Variants in LCE1A observed in about 807,000 individuals in gnomAD.
LCE1A encodes late cornified envelope 1A, also known as late cornified envelope protein 1A.
For synonymous variants in LCE1A, 59 were observed against 53.8 expected, an observed-to-expected ratio of 1.10 and a Z score of -0.43; for missense variants, 138 against 140.0, an observed-to-expected ratio of 0.99 and a Z score of 0.07.
Position 152,828,010 on chromosome 1 carries a change from G to A in LCE1A, c.*205G>A. The stretch of plus-strand genomic sequence containing the variant: ...CTATCTGCTGCCCCTGACACCAACT[G>A]TGTTGTCTACTCTGGGATCCCAAGC... On this transcript the variant is annotated 3_prime_UTR_variant, in exon 1 of 1. Transcript: ENST00000335123. 1.6e-6 allele frequency: 1 copy of A among 614,422 alleles called. No homozygotes were observed. The highest frequency in any genetic ancestry group is 2.8e-6 in the Non-Finnish European group (1 of 352,582). The allele number at this position is 614,422 out of a possible 1,614,324, so 38.1% of individuals were successfully genotyped here. A position where few individuals can be genotyped will look rare whatever the true frequency, so the allele number is the denominator to read the frequency against.
rs146232631 is a variant in LCE1A at position 152,827,692 on chromosome 1, C to T, written c.220C>T (p.Arg74Cys). 245 of 1,612,870 alleles carry T rather than the reference C, an allele frequency of 1.5e-4. 3 individuals carry two copies. Among genetic ancestry groups the T allele is most frequent in the South Asian group, 1.4e-3 (124 of 90,994 alleles). ...GGGCCLSHHR[R>C]HRSHRHRLQS... ...TGGCTGCTGCCTGAGCCACCACAGG[C>T]GCCACAGGTCCCACCGTCACAGACT... The change falls in exon 1 of 1, where the codon CGC becomes TGC. Residue 74 changes from arginine (R) to cysteine (C), a missense_variant. Coordinates refer to ENST00000335123, the MANE Select transcript of LCE1A (RefSeq NM_178348.2).
chr1:152,827,924 G>A lies in LCE1A; in HGVS notation c.*119G>A. On this transcript the variant is annotated 3_prime_UTR_variant, in exon 1 of 1. Transcript: ENST00000335123. The stretch of plus-strand genomic sequence containing the variant: ...TGAGATGCCCGCGTGAAGGCTCTGA[G>A]CTCTGGCCTAGAGGATCCCTCTGCC... The A allele has an allele frequency of 8.4e-7, 1 of 1,191,050 alleles. No individual in the cohort carries two copies. The highest frequency in any genetic ancestry group is 1.2e-6 in the Non-Finnish European group (1 of 862,670). The allele number at this position is 1,191,050 out of a possible 1,614,324, so 73.8% of individuals were successfully genotyped here.
rs1169924690 is a variant in LCE1A, at chr1:152,828,001, A to G, written c.*196A>G. 2 of 640,982 alleles carry G rather than the reference A, an allele frequency of 3.1e-6. No homozygotes were observed. Among genetic ancestry groups the G allele is most frequent in the Non-Finnish European group, 5.4e-6 (2 of 372,484 alleles). The allele number at this position is 640,982 out of a possible 1,614,324, so 39.7% of individuals were successfully genotyped here. A position where few individuals can be genotyped will look rare whatever the true frequency, so the allele number is the denominator to read the frequency against. Reference sequence around the variant, plus strand: ...CCCACAAACCTATCTGCTGCCCCTGACACCAACTGTGTTGTCTACTCTGGG... The same window carrying G: ...CCCACAAACCTATCTGCTGCCCCTGGCACCAACTGTGTTGTCTACTCTGGG... On this transcript the variant is annotated 3_prime_UTR_variant, in exon 1 of 1. Transcript: ENST00000335123.
Position 152,827,813 on chromosome 1 carries a change from T to G in LCE1A, c.*8T>G, listed in dbSNP as rs1024844618. The G allele has an allele frequency of 3.8e-6, 6 of 1,579,600 alleles. No homozygotes were observed. The highest frequency in any genetic ancestry group is 5.2e-6 in the Non-Finnish European group (6 of 1,163,510). On this transcript the variant is annotated 3_prime_UTR_variant, in exon 1 of 1. Coordinates refer to ENST00000335123, the MANE Select transcript of LCE1A (RefSeq NM_178348.2). The stretch of plus-strand genomic sequence containing the variant: ...TCTGGAGGCTGCTGCTGAAGCGGAC[T>G]CTGCACCTAGAAGAGCAGACTCGGG...
chr1:152,827,835 C>A lies in LCE1A; in HGVS notation c.*30C>A. The A allele has an allele frequency of 6.5e-7, 1 of 1,542,726 alleles. No individual in the cohort carries two copies. Among genetic ancestry groups the A allele is most frequent in the Non-Finnish European group, 8.7e-7 (1 of 1,146,878 alleles). On this transcript the variant is annotated 3_prime_UTR_variant, in exon 1 of 1. Coordinates refer to ENST00000335123, the MANE Select transcript of LCE1A (RefSeq NM_178348.2). ...GACTCTGCACCTAGAAGAGCAGACT[C>A]GGGTGAAATGAGTGATCAAACATTT... is the stretch of plus-strand genomic sequence containing the variant.
In LCE1A at chr1:152,827,947, G is replaced by A. The variant is rs1234408060; in HGVS notation, c.*142G>A. 5 of 969,540 alleles carry A rather than the reference G, an allele frequency of 5.2e-6. No individual in the cohort carries two copies. The highest frequency in any genetic ancestry group is 7.5e-6 in the Non-Finnish European group (5 of 667,302). 60.1% of individuals were successfully genotyped at this position (969,540 alleles called of 1,614,324 possible). A position where few individuals can be genotyped will look rare whatever the true frequency, so the allele number is the denominator to read the frequency against. ...GAGCTCTGGCCTAGAGGATCCCTCT[G>A]CCCTGGGATCCAGAAACTTGATTCT... is the stretch of plus-strand genomic sequence containing the variant. On this transcript the variant is annotated 3_prime_UTR_variant, in exon 1 of 1. Coordinates refer to ENST00000335123, the MANE Select transcript of LCE1A (RefSeq NM_178348.2).
Position 152,827,682 on chromosome 1 carries a change from C to A in LCE1A, c.210C>A (p.Ser70Arg), listed in dbSNP as rs956132409. 1 of 1,612,796 alleles carries A rather than the reference C, an allele frequency of 6.2e-7. No individual in the cohort carries two copies. The highest frequency in any genetic ancestry group is 2.2e-5 in the East Asian group (1 of 44,864). ...CTGGGGGAGGTGGCTGCTGCCTGAG[C>A]CACCACAGGCGCCACAGGTCCCACC... ...CSSGGGGCCLSHHRRHRSHRH... is the reference protein window; with the variant it reads ...CSSGGGGCCLRHHRRHRSHRH... Residue 70 changes from serine to arginine, a missense_variant, in exon 1 of 1, where the codon AGC (serine) becomes AGA (arginine). Physicochemically the swap from Ser to Arg is moderately radical, Grantham distance 110. Coordinates refer to ENST00000335123, the MANE Select transcript of LCE1A (RefSeq NM_178348.2).
chr1:152,827,983 A>C lies in LCE1A; in HGVS notation c.*178A>C. The C allele has an allele frequency of 2.8e-6, 2 of 712,656 alleles. No homozygotes were observed. Among genetic ancestry groups the C allele is most frequent in the Non-Finnish European group, 4.6e-6 (2 of 436,176 alleles). The allele number at this position is 712,656 out of a possible 1,614,324, so 44.1% of individuals were successfully genotyped here. A position where few individuals can be genotyped will look rare whatever the true frequency, so the allele number is the denominator to read the frequency against. On this transcript the variant is annotated 3_prime_UTR_variant, in exon 1 of 1. Transcript: ENST00000335123. ...CAGAAACTTGATTCTTCTCCCACAAACCTATCTGCTGCCCCTGACACCAAC... is the reference window on the plus strand; with the variant it reads ...CAGAAACTTGATTCTTCTCCCACAACCCTATCTGCTGCCCCTGACACCAAC...
chr1:152,827,610 C>G lies in LCE1A; in HGVS notation c.138C>G (p.Val46=). ...CTCCAGTCTCTTCCTGCTGCAGTGT[C>G]AGCTCCGGAGGCTGCTGTGGCTCCA... ...KCPPVSSCCS[V]SSGGCCGSSS... Residue 46 remains valine (V), a synonymous_variant, in exon 1 of 1, where the codon GTC becomes GTG. Coordinates refer to ENST00000335123, the MANE Select transcript of LCE1A (RefSeq NM_178348.2). 1 of 1,613,782 alleles carries G rather than the reference C, an allele frequency of 6.2e-7. No homozygotes were observed. Among genetic ancestry groups the G allele is most frequent in the Non-Finnish European group, 8.5e-7 (1 of 1,179,974 alleles).
rs771266316 is a variant in LCE1A, at chr1:152,827,689, AG to A, written c.219del (p.Arg73SerfsTer75). ...AGGTGGCTGCTGCCTGAGCCACCAC[AG>A]GCGCCACAGGTCCCACCGTCACAGA... is the stretch of plus-strand genomic sequence containing the variant. ...GGGGCCLSHHRRHRSHRHRLQ... is the reference protein window; with the variant it reads ...GGGGCCLSHHXRHRSHRHRLQ... On this transcript the variant is annotated frameshift_variant, in exon 1 of 1. Transcript: ENST00000335123. LOFTEE classifies it high-confidence loss of function. The A allele has an allele frequency of 5.0e-6, 8 of 1,612,794 alleles. No homozygotes were observed. The highest frequency in any genetic ancestry group is 6.8e-6 in the Non-Finnish European group (8 of 1,179,872).
Position 152,827,714 on chromosome 1 carries a change from G to A in LCE1A, c.242G>A (p.Arg81Lys). 1 of 1,613,892 alleles carries A rather than the reference G, an allele frequency of 6.2e-7. No individual in the cohort carries two copies. The highest frequency in any genetic ancestry group is 8.5e-7 in the Non-Finnish European group (1 of 1,179,988). The change falls in exon 1 of 1, where the codon AGA becomes AAA. Residue 81 changes from arginine (R) to lysine (K), a missense_variant. Coordinates refer to ENST00000335123, the MANE Select transcript of LCE1A (RefSeq NM_178348.2). ...HHRRHRSHRHRLQSSGCCSQP... is the reference protein window; with the variant it reads ...HHRRHRSHRHKLQSSGCCSQP... The stretch of plus-strand genomic sequence containing the variant: ...AGGCGCCACAGGTCCCACCGTCACA[G>A]ACTCCAGAGCTCTGGCTGCTGCAGC...
chr1:152,827,772 G>A lies in LCE1A; in HGVS notation c.300G>A (p.Gly100=). 8.7e-6 allele frequency: 14 copies of A among 1,610,658 alleles called. No individual in the cohort carries two copies. The highest frequency in any genetic ancestry group is 1.2e-5 in the Non-Finnish European group (14 of 1,177,952). ...CGGGAGGCTCCAGCTGCTGTGGAGG[G>A]GACAGCGGCCAGCACTCTGGAGGCT... The part of the protein sequence containing the change: ...QPSGGSSCCG[G]DSGQHSGGCC The change falls in exon 1 of 1, where the codon GGG becomes GGA. Residue 100 remains glycine, a synonymous_variant. Transcript: ENST00000335123.
rs531617240 is a variant in LCE1A at position 152,827,883 on chromosome 1, G to A, written c.*78G>A. Reference sequence around the variant, plus strand: ...TTTCCTCCTCACCTGTCTCCTCCTGGGCCTGCAAGAGTGGCTGAGATGCCC... The same window carrying A: ...TTTCCTCCTCACCTGTCTCCTCCTGAGCCTGCAAGAGTGGCTGAGATGCCC... On this transcript the variant is annotated 3_prime_UTR_variant, in exon 1 of 1. Transcript: ENST00000335123. The A allele has an allele frequency of 2.8e-6, 4 of 1,450,468 alleles. No individual in the cohort carries two copies. The South Asian group carries it at 4.3e-5, about 16-fold the overall frequency. 89.8% of individuals were successfully genotyped at this position (1,450,468 alleles called of 1,614,324 possible).
At position 152,827,908 on chromosome 1, in the gene LCE1A, C is replaced by G; in HGVS notation, c.*103C>G. 2 of 1,293,574 alleles carry G rather than the reference C, an allele frequency of 1.5e-6. No individual in the cohort carries two copies. Among genetic ancestry groups the G allele is most frequent in the African/African-American group, 1.5e-5 (1 of 66,510 alleles). The allele number at this position is 1,293,574 out of a possible 1,614,324, so 80.1% of individuals were successfully genotyped here. On this transcript the variant is annotated 3_prime_UTR_variant, in exon 1 of 1. Transcript: ENST00000335123. ...GGCCTGCAAGAGTGGCTGAGATGCC[C>G]GCGTGAAGGCTCTGAGCTCTGGCCT...
Position 152,827,958 on chromosome 1 carries a change from C to A in LCE1A, c.*153C>A. ...TAGAGGATCCCTCTGCCCTGGGATC[C>A]AGAAACTTGATTCTTCTCCCACAAA... On this transcript the variant is annotated 3_prime_UTR_variant, in exon 1 of 1. Coordinates refer to ENST00000335123, the MANE Select transcript of LCE1A (RefSeq NM_178348.2). 1 of 887,538 alleles carries A rather than the reference C, an allele frequency of 1.1e-6. No homozygotes were observed. Among genetic ancestry groups the A allele is most frequent in the Non-Finnish European group, 1.7e-6 (1 of 594,382 alleles). The allele number at this position is 887,538 out of a possible 1,614,324, so 55.0% of individuals were successfully genotyped here.
At position 152,827,974 on chromosome 1, in the gene LCE1A, C is replaced by T. The variant is rs950134453; in HGVS notation, c.*169C>T. ...CCTGGGATCCAGAAACTTGATTCTT[C>T]TCCCACAAACCTATCTGCTGCCCCT... On this transcript the variant is annotated 3_prime_UTR_variant, in exon 1 of 1. Transcript: ENST00000335123. 11 of 781,818 alleles carry T rather than the reference C, an allele frequency of 1.4e-5. No individual in the cohort carries two copies. The highest frequency in any genetic ancestry group is 2.2e-5 in the Non-Finnish European group (11 of 496,208). 48.4% of individuals were successfully genotyped at this position (781,818 alleles called of 1,614,324 possible).
In LCE1A at chr1:152,827,820, C is replaced by T. The variant is rs1284319356; in HGVS notation, c.*15C>T. 6.4e-7 allele frequency: 1 copy of T among 1,566,114 alleles called. No individual in the cohort carries two copies. The highest frequency in any genetic ancestry group is 8.6e-7 in the Non-Finnish European group (1 of 1,157,540). On this transcript the variant is annotated 3_prime_UTR_variant, in exon 1 of 1. Coordinates refer to ENST00000335123, the MANE Select transcript of LCE1A (RefSeq NM_178348.2). The stretch of plus-strand genomic sequence containing the variant: ...GCTGCTGCTGAAGCGGACTCTGCAC[C>T]TAGAAGAGCAGACTCGGGTGAAATG...
At position 152,827,570 on chromosome 1, in the gene LCE1A, G is replaced by GT. The variant is rs1647388483; in HGVS notation, c.99dup (p.Pro34SerfsTer3). Reference sequence around the variant, plus strand: ...CCCACTCCTAAGTGCCCCCCAAAGTGTCCCCCTAAGTGCCCTCCAGTCTCT... The same window carrying GT: ...CCCACTCCTAAGTGCCCCCCAAAGTGTTCCCCCTAAGTGCCCTCCAGTCTCT... On this transcript the variant is annotated frameshift_variant, in exon 1 of 1. Coordinates refer to ENST00000335123, the MANE Select transcript of LCE1A (RefSeq NM_178348.2). LOFTEE classifies it high-confidence loss of function. The GT allele has an allele frequency of 6.2e-7, 1 of 1,611,324 alleles. No homozygotes were observed.
chr1:152,827,766 T>C lies in LCE1A; in HGVS notation c.294T>C (p.Cys98=). Reference sequence around the variant, plus strand: ...AGCCCTCGGGAGGCTCCAGCTGCTGTGGAGGGGACAGCGGCCAGCACTCTG... The same window carrying C: ...AGCCCTCGGGAGGCTCCAGCTGCTGCGGAGGGGACAGCGGCCAGCACTCTG... The part of the protein sequence containing the change: ...CSQPSGGSSC[C]GGDSGQHSGG... The change falls in exon 1 of 1, where the codon TGT becomes TGC. Residue 98 remains cysteine, a synonymous_variant. Transcript: ENST00000335123. 8 of 1,611,946 alleles carry C rather than the reference T, an allele frequency of 5.0e-6. No homozygotes were observed. Among genetic ancestry groups the C allele is most frequent in the Non-Finnish European group, 6.8e-6 (8 of 1,178,784 alleles).
Sources: gnomAD v4.1 joint callset for allele counts on GRCh38, gnomAD v4.1.1 for gene constraint, MANE v1.5 for transcripts, NCBI Gene and HGNC (gene_info 2026-07-23, HGNC 2026-07-21) for gene names.